The following XXYLT1 variants were observed in gnomAD, a reference collection of about 807,000 sequenced individuals.
XXYLT1 encodes the protein UDP-xylose:alpha-xyloside alpha-1,3-xylosyltransferase.
XXYLT1 carries 20 observed loss-of-function variants against 28.9 expected under a neutral mutation model. The observed-to-expected ratio is 0.69, with a 90% CI of 0.49 to 1.00. The LOEUF is 1.00. Ranked by LOEUF, XXYLT1 falls within the 50% of genes least tolerant of loss-of-function variation. The probability of loss-of-function intolerance (pLI) is 0.00; values close to 1 mark genes in which losing one functional copy is unlikely to be tolerated. For missense variants in XXYLT1, 542 were observed against 560.1 expected (o/e 0.97, Z 0.33); for synonymous variants, 257 against 253.8 (o/e 1.01, Z -0.12).
intron 2 of XXYLT1, among the ~76,000 whole-genome samples, chr3:195,197,285 A>G (rs1299045754): frequency 6.6e-6 from 1 of 152,080 alleles, no homozygotes; most frequent in Non-Finnish European, 1.5e-5. Flanking sequence ...AAAAATACAA[A>G]AATTAGCCGG....
At chr3:195,161,778 C>T (rs981046394) in intron 2 of XXYLT1, among the ~76,000 whole-genome samples, 1 of 151,796 alleles carries the variant, frequency 6.6e-6, no homozygotes, top group Non-Finnish European at 1.5e-5. Flanking sequence ...CCACCATACC[C>T]GGCTAATTTT....
chr3:195,069,488 G>A lies in XXYLT1; in HGVS notation c.*227C>T, dbSNP rs775815001. ...ACTGGACATGCGTGTCCTTTGTGTC[G>A]CCTGCTCCCTGGAGGAATAAGGTCC... On this transcript the variant is annotated 3_prime_UTR_variant, in exon 4 of 4. Transcript: ENST00000310380. 7.3e-5 allele frequency: 42 copies of A among 571,968 alleles called. No homozygotes were observed. Among genetic ancestry groups the A allele is most frequent in the African/African-American group, 1.7e-4 (9 of 53,556 alleles). 35.4% of individuals were successfully genotyped at this position (571,968 alleles called of 1,614,324 possible). A position where few individuals can be genotyped will look rare whatever the true frequency, so the allele number is the denominator to read the frequency against.
chr3:195,167,357 G>A (rs1262915105), intron 2 of XXYLT1, among the ~76,000 whole-genome samples: 5 of 152,136 alleles, frequency 3.3e-5, no homozygotes, highest in Admixed American at 1.3e-4. Context: ...TTGGGAGGCC[G>A]AGGCGGATGG....
chr3:195,084,265 G>C lies in XXYLT1; in HGVS notation c.786-14154C>G, dbSNP rs543977315. ...TTGCATCAGGCCAGTTCCAACCACA[G>C]AGCAGGCTGTGGGTGAGGATGGGAA... On this transcript the variant is annotated intron_variant, in intron 3 of 3. Coordinates refer to ENST00000310380, the MANE Select transcript of XXYLT1 (RefSeq NM_152531.5). Among the ~76,000 whole-genome samples, 4 of 152,288 alleles carry C rather than the reference G, an allele frequency of 2.6e-5. No individual in the cohort carries two copies. In the South Asian group the frequency reaches 8.3e-4, roughly 32 times the overall value.
intron 3 of XXYLT1, among the ~76,000 whole-genome samples, chr3:195,082,722 G>A (rs1047018952): frequency 5.3e-5 from 8 of 152,070 alleles, no homozygotes; most frequent in East Asian, 1.9e-4. Flanking sequence ...GGTGGCGCGT[G>A]CCTATAATCC....
At chr3:195,101,950 G>T in intron 3 of XXYLT1, among the ~76,000 whole-genome samples, 1 of 65,068 alleles carries the variant, frequency 1.5e-5, no homozygotes, top group Non-Finnish European at 3.4e-5. Context: ...GAAGGGAAAG[G>T]GAGGGGAGGG....
At chr3:195,134,826 G>GGTGTGTGTGTGTGT (rs3073321) in intron 3 of XXYLT1, among the ~76,000 whole-genome samples, 12 of 145,482 alleles carry the variant, frequency 8.2e-5, no homozygotes, top group Non-Finnish European at 1.7e-4. Flanking sequence ...CGTGAAGAGG[G>GGTGTGTGTGTGTGT]GTGTGTGTGT....
At chr3:195,191,604 T>C (rs1722422234) in intron 2 of XXYLT1, among the ~76,000 whole-genome samples, 1 of 152,206 alleles carries the variant, frequency 6.6e-6, no homozygotes, top group South Asian at 2.1e-4. Flanking sequence ...AAGGGCCAAC[T>C]GCATAAACTA....
intron 2 of XXYLT1, among the ~76,000 whole-genome samples, chr3:195,194,676 A>C (rs1343403694): frequency 6.6e-6 from 1 of 152,212 alleles, no homozygotes; most frequent in Non-Finnish European, 1.5e-5. Flanking sequence ...ACTAACAAAC[A>C]CACGAACAAA....
chr3:195,111,521 G>A (rs887261082), intron 3 of XXYLT1, among the ~76,000 whole-genome samples: 1 of 152,118 alleles, frequency 6.6e-6, no homozygotes, highest in Non-Finnish European at 1.5e-5. Flanking sequence ...TCTCTGGCTA[G>A]GATGGCGCTC....
intron 3 of XXYLT1, among the ~76,000 whole-genome samples, chr3:195,122,633 G>T (rs752867952): frequency 2.0e-5 from 3 of 152,230 alleles, no homozygotes; most frequent in Non-Finnish European, 2.9e-5. Context: ...CCACAGGAAG[G>T]GGGAGGCGAC....
chr3:195,138,719 G>C (rs1047146216), intron 3 of XXYLT1, among the ~76,000 whole-genome samples: 1 of 152,012 alleles, frequency 6.6e-6, no homozygotes, highest in Non-Finnish European at 1.5e-5. Context: ...ACCAGGCATG[G>C]TGGCGGGTGC....
intron 3 of XXYLT1, among the ~76,000 whole-genome samples, chr3:195,083,856 T>G (rs1378705515): frequency 6.6e-6 from 1 of 152,068 alleles, no homozygotes; most frequent in Non-Finnish European, 1.5e-5. Context: ...CAAAACTCCA[T>G]CTCTACTAAA....
intron 1 of XXYLT1, among the ~76,000 whole-genome samples, chr3:195,245,742 T>C (rs1367772035): frequency 6.6e-6 from 1 of 152,196 alleles, no homozygotes; most frequent in Non-Finnish European, 1.5e-5. Context: ...ACCATCTCCT[T>C]GGATGTGAGT....
At chr3:195,179,575 G>A (rs549750209) in intron 2 of XXYLT1, among the ~76,000 whole-genome samples, 6 of 152,200 alleles carry the variant, frequency 3.9e-5, no homozygotes, top group Middle Eastern at 3.4e-3. Flanking sequence ...AGAGGCCTGC[G>A]TGTGTGGAGG....
intron 2 of XXYLT1, among the ~76,000 whole-genome samples, chr3:195,200,345 G>A (rs6782078): frequency 0.05 from 7,681 of 152,258 alleles, 599 homozygotes; most frequent in African/African-American, 0.17. Context: ...TCTGTAAAAT[G>A]GGATAAATGA....
At chr3:195,120,062 C>A (rs1037152886) in intron 3 of XXYLT1, among the ~76,000 whole-genome samples, 2 of 152,342 alleles carry the variant, frequency 1.3e-5, no homozygotes, top group African/African-American at 4.8e-5. Context: ...TCAAAACTCA[C>A]ATGCTGTCTC....
intron 3 of XXYLT1, among the ~76,000 whole-genome samples, chr3:195,086,280 G>A (rs1715722473): frequency 6.6e-6 from 1 of 152,106 alleles, no homozygotes; most frequent in Non-Finnish European, 1.5e-5. Flanking sequence ...GATTCCTATC[G>A]TGCTAGGTTG....
chr3:195,132,057 C>G (rs566442248), intron 3 of XXYLT1, among the ~76,000 whole-genome samples: 60 of 152,204 alleles, frequency 3.9e-4, no homozygotes, highest in Non-Finnish European at 7.4e-4. Flanking sequence ...ACTAAGGAAC[C>G]CAGTGGGGTC....
Sources: allele counts gnomAD v4.1 joint callset (sites outside exome capture counted in the v4.1 genomes callset), GRCh38; gene constraint gnomAD v4.1.1; transcripts MANE v1.5; gene names NCBI Gene and HGNC (gene_info 2026-07-23, HGNC 2026-07-21).